LRRC40: variants seen among roughly 807,000 people sequenced by gnomAD.
The protein encoded by LRRC40 is leucine-rich repeat-containing protein 40.
Under a neutral mutation model 72.8 loss-of-function variants are expected in LRRC40, and 76 were observed. That is an observed-to-expected ratio of 1.04 (90% CI 0.87 to 1.26). The LOEUF (loss-of-function observed/expected upper bound fraction) is 1.26, where lower values mean the gene tolerates loss of function less well. Ranked by LOEUF, LRRC40 falls within the 50% of genes most tolerant of loss-of-function variation. The pLI is 0.00. For synonymous variants in LRRC40, 243 were observed against 254.2 expected (o/e 0.96, Z 0.42); for missense variants, 684 against 698.9 (o/e 0.98, Z 0.24).
In LRRC40 at chr1:70,145,354, G is replaced by A. The variant is rs1667259028; in HGVS notation, c.*446C>T. On this transcript the variant is annotated 3_prime_UTR_variant, in exon 15 of 15. Transcript: ENST00000370952. ...CTAACAAAAACATAGAAACTGGCTA[G>A]TCATATTCAAGTCAATTGGTCACAT... is the stretch of plus-strand genomic sequence containing the variant. 6.6e-6 allele frequency: 1 copy of A among 152,022 alleles called. No individual in the cohort carries two copies. The highest frequency in any genetic ancestry group is 2.4e-5 in the African/African-American group (1 of 41,390). The allele number at this position is 152,022 out of a possible 1,614,324, so 9.4% of individuals were successfully genotyped here. A position where few individuals can be genotyped will look rare whatever the true frequency, so the allele number is the denominator to read the frequency against.
At chr1:70,151,915 C>T (rs977843404) in intron 12 of LRRC40, 17 of 152,082 alleles carry the variant, frequency 1.1e-4, no homozygotes, top group African/African-American at 4.1e-4. Flanking sequence ...AGATGACTAC[C>T]TATTACAAAT....
intron 11 of LRRC40, among the ~76,000 whole-genome samples, chr1:70,154,270 CTTGA>C (rs1238912370): frequency 6.6e-6 from 1 of 152,006 alleles, no homozygotes; most frequent in African/African-American, 2.4e-5. Context: ...TAAGGCATGT[CTTGA>C]TTATTTTCTT....
chr1:70,156,202 G>T (rs1399811971), intron 10 of LRRC40, among the ~76,000 whole-genome samples: 3 of 151,962 alleles, frequency 2.0e-5, no homozygotes, highest in African/African-American at 7.3e-5. Context: ...TGTCAAATTT[G>T]TTTGGGTATA....
At chr1:70,160,534 TAA>T (rs1465336597) in intron 9 of LRRC40, among the ~76,000 whole-genome samples, 1 of 152,174 alleles carries the variant, frequency 6.6e-6, no homozygotes, top group African/African-American at 2.4e-5. Context: ...GCAGTTTGGT[TAA>T]GTTACTTTAA....
In LRRC40 at chr1:70,144,831, TTC is replaced by T. The variant is rs1373631128; in HGVS notation, c.*967_*968del. On this transcript the variant is annotated 3_prime_UTR_variant, in exon 15 of 15. Coordinates refer to ENST00000370952, the MANE Select transcript of LRRC40 (RefSeq NM_017768.5). ...CAATATTTGAAAAATGTAACTTTTA[TTC>T]TGAACATGTAGTATTTATCTTTATT... The T allele has an allele frequency of 6.6e-6, 1 of 152,192 alleles. No individual in the cohort carries two copies. 9.4% of individuals were successfully genotyped at this position (152,192 alleles called of 1,614,324 possible).
intron 4 of LRRC40, 91 bp from the exon 5 acceptor site, chr1:70,181,300 T>C: frequency 1.3e-6 from 1 of 768,726 alleles, no homozygotes; most frequent in Non-Finnish European, 2.0e-6. Context: ...TTTGAAGGAA[T>C]TACAACATAA....
intron 1 of LRRC40, among the ~76,000 whole-genome samples, chr1:70,194,288 T>C (rs1270499738): frequency 6.6e-6 from 1 of 152,094 alleles, no homozygotes; most frequent in African/African-American, 2.4e-5. Context: ...ACTATGTTTC[T>C]ATGTATTAGC....
At chr1:70,162,115 G>A (rs1667777789) in intron 9 of LRRC40, among the ~76,000 whole-genome samples, 1 of 152,040 alleles carries the variant, frequency 6.6e-6, no homozygotes, top group East Asian at 1.9e-4. Context: ...TTTTTTTAAC[G>A]TTTGATTTTA....
In LRRC40 at chr1:70,178,067, C is replaced by A. The variant is rs535672952; in HGVS notation, c.804+784G>T. 3.2e-4 allele frequency among the ~76,000 whole-genome samples: 49 copies of A among 152,080 alleles called. 1 individual carries two copies. Among genetic ancestry groups the A allele is most frequent in the Non-Finnish European group, 6.8e-4 (46 of 68,016 alleles). ...ATATGGCATACAAATTATGTGTTAA[C>A]CATTTGTTCATGTTATTGGTAAGGC... On this transcript the variant is annotated intron_variant, in intron 6 of 14. Transcript: ENST00000370952.
chr1:70,182,714 CT>C lies in LRRC40; in HGVS notation c.538-1506del, dbSNP rs555813763. 8.6e-5 allele frequency among the ~76,000 whole-genome samples: 13 copies of C among 151,984 alleles called. No individual in the cohort carries two copies. In the South Asian group the frequency reaches 2.7e-3, roughly 32 times the overall value. ...AATCCATATTTATGCCAAGTCATTC[CT>C]TTAACAAATAATTAGTTGCATTGTG... On this transcript the variant is annotated intron_variant, in intron 4 of 14. Coordinates refer to ENST00000370952, the MANE Select transcript of LRRC40 (RefSeq NM_017768.5).
At chr1:70,198,419 C>T (rs1374499000) in intron 1 of LRRC40, among the ~76,000 whole-genome samples, 1 of 152,150 alleles carries the variant, frequency 6.6e-6, no homozygotes, top group Non-Finnish European at 1.5e-5. Flanking sequence ...CATCCAATAA[C>T]ATTCTTGCAC....
chr1:70,174,415 T>C (rs926210250), intron 7 of LRRC40, among the ~76,000 whole-genome samples: 15 of 152,042 alleles, frequency 9.9e-5, no homozygotes, highest in Non-Finnish European at 8.8e-5. Flanking sequence ...ATGGTCACTA[T>C]ACAACTAAGC....
Position 70,148,650 on chromosome 1 carries a change from G to GAACT in LRRC40, c.1536_1539dup (p.Leu514SerfsTer9). ...GTTTCAAGTGTGAAGATACGATATA[G>GAACT]AACTTCAGGTAGCATTTTAAACCTA... On this transcript the variant is annotated frameshift_variant, in exon 14 of 15. Coordinates refer to ENST00000370952, the MANE Select transcript of LRRC40 (RefSeq NM_017768.5). LOFTEE classifies it high-confidence loss of function. 1 of 1,609,284 alleles carries GAACT rather than the reference G, an allele frequency of 6.2e-7. No homozygotes were observed. The highest frequency in any genetic ancestry group is 2.2e-5 in the East Asian group (1 of 44,746).
Position 70,160,761 on chromosome 1 carries a change from C to T in LRRC40, c.1112-1323G>A, listed in dbSNP as rs978268299. Among the ~76,000 whole-genome samples, 3 of 151,770 alleles carry T rather than the reference C, an allele frequency of 2.0e-5. No homozygotes were observed. The East Asian group carries it at 5.8e-4, about 29-fold the overall frequency. The stretch of plus-strand genomic sequence containing the variant: ...ATTGTCTCTGGGGAGAAGACTGTTG[C>T]GAGAGAGATTTCCTTTCATTATATA... On this transcript the variant is annotated intron_variant, in intron 9 of 14. Coordinates refer to ENST00000370952, the MANE Select transcript of LRRC40 (RefSeq NM_017768.5).
intron 10 of LRRC40, 50 bp from the exon 11 acceptor site, chr1:70,155,846 A>C (rs1225589022): frequency 1.3e-6 from 1 of 754,426 alleles, no homozygotes; most frequent in Non-Finnish European, 2.2e-6. Context: ...CAGTCCAAAA[A>C]GATATGATTA....
intron 9 of LRRC40, among the ~76,000 whole-genome samples, chr1:70,172,426 T>A (rs554322348): frequency 6.6e-6 from 1 of 152,196 alleles, no homozygotes; most frequent in Admixed American, 6.6e-5. Flanking sequence ...AATTTTCTTT[T>A]TGTGGGGTTT....
chr1:70,201,067 C>G (rs1668727207), intron 1 of LRRC40, among the ~76,000 whole-genome samples: 1 of 152,076 alleles, frequency 6.6e-6, no homozygotes, highest in Admixed American at 6.6e-5. Flanking sequence ...ACTTGACAGG[C>G]TGAGGAGGGA....
intron 14 of LRRC40, 33 bp from the exon 15 acceptor site, chr1:70,145,938 A>T: frequency 9.6e-7 from 1 of 1,039,834 alleles, no homozygotes; most frequent in Non-Finnish European, 1.4e-6. Context: ...GAATGTAAAC[A>T]TTTTCCATTA....
intron 7 of LRRC40, among the ~76,000 whole-genome samples, chr1:70,174,725 GAC>G (rs1668067150): frequency 1.3e-5 from 2 of 151,982 alleles, no homozygotes; most frequent in African/African-American, 4.8e-5. Flanking sequence ...TTCTAAAAAG[GAC>G]AAAACTATAG....
Sources: allele counts gnomAD v4.1 joint callset (sites outside exome capture counted in the v4.1 genomes callset), GRCh38; gene constraint gnomAD v4.1.1; transcripts MANE v1.5; gene names NCBI Gene and HGNC (gene_info 2026-07-23, HGNC 2026-07-21).